Variants in FAM193A observed in about 807,000 individuals in gnomAD.
FAM193A encodes family with sequence similarity 193 member A, also known as protein FAM193A.
A neutral mutation model predicts 126.5 loss-of-function variants in FAM193A; 22 were observed. The ratio of observed to expected loss-of-function variants is 0.17; its 90% CI spans 0.12 to 0.25. The LOEUF is 0.25. Ranked by LOEUF, FAM193A falls within the 10% of genes least tolerant of loss-of-function variation. The probability of loss-of-function intolerance (pLI) is 1.00; values close to 1 mark genes in which losing one functional copy is unlikely to be tolerated. For missense variants in FAM193A, 1,675 were observed against 1,672.8 expected (o/e 1.00, Z -0.02); for synonymous variants, 761 against 646.8 (o/e 1.18, Z -2.68).
chr4:2,608,750 A>G (rs1233474259), intron 2 of FAM193A, among the ~76,000 whole-genome samples: 1 of 152,182 alleles, frequency 6.6e-6, no homozygotes, highest in Admixed American at 6.5e-5. Flanking sequence ...ACATTTTTGC[A>G]TAGACCTGCA....
At chr4:2,547,604 C>CTGTGTGTGTGTGTGTGTCTGTGTGTG (rs1553884201) in intron 1 of FAM193A, among the ~76,000 whole-genome samples, 1 of 144,870 alleles carries the variant, frequency 6.9e-6, no homozygotes, top group African/African-American at 2.6e-5. Flanking sequence ...GTGTGTGTGT[C>CTGTGTGTGTGTGTGTGTCTGTGTGTG]TGTGTGTGTG....
chr4:2,631,700 A>T (rs917252916), intron 5 of FAM193A, among the ~76,000 whole-genome samples: 2 of 152,222 alleles, frequency 1.3e-5, no homozygotes, highest in African/African-American at 4.8e-5. Flanking sequence ...GACAGGCCCT[A>T]TCACCATCCT....
chr4:2,680,611 A>G (rs1213370721), intron 13 of FAM193A, among the ~76,000 whole-genome samples: 1 of 152,130 alleles, frequency 6.6e-6, no homozygotes, highest in Non-Finnish European at 1.5e-5. Flanking sequence ...TGCTGGGATT[A>G]TAGGCATGAG....
At chr4:2,721,140 C>T (rs562238311) in intron 20 of FAM193A, among the ~76,000 whole-genome samples, 6 of 151,804 alleles carry the variant, frequency 4.0e-5, no homozygotes, top group South Asian at 2.1e-4. Context: ...GGTGAAACCC[C>T]GTCTCTACTA....
rs188444127 is a variant in FAM193A at position 2,641,386 on chromosome 4, C to T, written c.1163+1527C>T. 4.4e-3 allele frequency among the ~76,000 whole-genome samples: 664 copies of T among 151,970 alleles called. 2 individuals are homozygous for T. Among genetic ancestry groups the T allele is most frequent in the Non-Finnish European group, 7.8e-3 (527 of 67,974 alleles). The stretch of plus-strand genomic sequence containing the variant: ...TAAAATCCGTATATTAGGACTGGTA[C>T]GGTGGCTCACACCTGTAATCCCAGC... On this transcript the variant is annotated intron_variant, in intron 6 of 20. Transcript: ENST00000637812.
chr4:2,545,647 A>C (rs1415736003), intron 1 of FAM193A, among the ~76,000 whole-genome samples: 2 of 152,100 alleles, frequency 1.3e-5, no homozygotes, highest in South Asian at 2.1e-4. Flanking sequence ...GTTATATGCT[A>C]ATTTTTAGAA....
intron 1 of FAM193A, among the ~76,000 whole-genome samples, chr4:2,558,568 G>A (rs149822737): frequency 3.1e-4 from 47 of 152,266 alleles, no homozygotes; most frequent in Middle Eastern, 3.4e-3. Flanking sequence ...TTCTGGGGGG[G>A]ATGAGATCTT....
intron 16 of FAM193A, 41 bp downstream of exon 16, chr4:2,693,915 A>G: frequency 6.3e-7 from 1 of 1,584,684 alleles, no homozygotes; most frequent in East Asian, 2.2e-5. Flanking sequence ...GCACTTTGGA[A>G]AATGGGTGTT....
intron 1 of FAM193A, among the ~76,000 whole-genome samples, chr4:2,583,135 G>A (rs116296152): frequency 0.045 from 6,781 of 152,270 alleles, 275 homozygotes; most frequent in Non-Finnish European, 0.063. Flanking sequence ...GCCAATTATT[G>A]TATTTTCAGT....
intron 2 of FAM193A, among the ~76,000 whole-genome samples, chr4:2,623,225 C>T (rs1032084028): frequency 7.9e-5 from 12 of 151,506 alleles, no homozygotes; most frequent in African/African-American, 2.4e-4. Flanking sequence ...GGCTGGAGTG[C>T]GGTGGCGCGA....
intron 1 of FAM193A, among the ~76,000 whole-genome samples, chr4:2,565,131 T>C (rs879001753): frequency 6.6e-6 from 1 of 151,894 alleles, no homozygotes; most frequent in South Asian, 2.1e-4. Flanking sequence ...GTTAGCCTGT[T>C]TTTTTTTGAT....
intron 1 of FAM193A, among the ~76,000 whole-genome samples, chr4:2,579,558 A>G (rs1214629913): frequency 1.3e-5 from 2 of 152,056 alleles, no homozygotes; most frequent in Non-Finnish European, 2.9e-5. Context: ...TATTAGCCAG[A>G]CATAATGGCA....
chr4:2,721,438 T>C (rs1720144271), intron 20 of FAM193A, among the ~76,000 whole-genome samples: 4 of 151,862 alleles, frequency 2.6e-5, no homozygotes, highest in Admixed American at 1.3e-4. Context: ...CAGTGAGCTA[T>C]GCTTACGCCA....
chr4:2,657,751 C>T (rs761541455), intron 7 of FAM193A, 52 bp from the exon 8 acceptor site: 9 of 1,145,016 alleles, frequency 7.9e-6, no homozygotes, highest in East Asian at 2.4e-5. Context: ...GTATAATTGT[C>T]GCAGGTATTA....
intron 19 of FAM193A, among the ~76,000 whole-genome samples, chr4:2,704,589 T>A (rs1479709330): frequency 6.6e-6 from 1 of 152,132 alleles, no homozygotes. Flanking sequence ...TAAAAATTTT[T>A]AAAAAGGTAA....
At chr4:2,708,233 G>GT in intron 19 of FAM193A, 1 of 430,934 alleles carries the variant, frequency 2.3e-6, no homozygotes, top group Non-Finnish European at 4.7e-6. Flanking sequence ...TCAAGCGATT[G>GT]TGCTGCCTCA....
At position 2,732,363 on chromosome 4, in the gene FAM193A, C is replaced by T. The variant is rs187031554; in HGVS notation, c.*495C>T. The T allele has an allele frequency of 6.5e-4, 112 of 171,846 alleles. No individual in the cohort carries two copies. The highest frequency in any genetic ancestry group is 5.4e-3 in the Middle Eastern group (2 of 368). The allele number at this position is 171,846 out of a possible 1,614,324, so 10.6% of individuals were successfully genotyped here. On this transcript the variant is annotated 3_prime_UTR_variant, in exon 21 of 21. Transcript: ENST00000637812. ...ACACGTTGCGCTGTTTGTGTTTGAT[C>T]CCCCTGACTTGTAGCCAGCTTGTGT...
rs910307736 is a variant in FAM193A, at chr4:2,681,410, A to C, written c.2332-8096A>C. ...TTGGGTTTAGATTGTTCTTTTTCTA[A>C]TTCATTAAGATGTGAAGTTAGGGAG... On this transcript the variant is annotated intron_variant, in intron 13 of 20. Transcript: ENST00000637812. 7.3e-5 allele frequency among the ~76,000 whole-genome samples: 11 copies of C among 151,634 alleles called. No individual in the cohort carries two copies. The South Asian group carries it at 2.1e-3, about 29-fold the overall frequency.
rs75151623 is a variant in FAM193A, at chr4:2,596,260, G to A, written c.432G>A (p.Leu144=). ...PKGNSVLHLP[L]WVCPDCRRTV... ...GCAACAGCGTGCTGCACCTGCCACT[G>A]TGGGTGTGCCCGGACTGCCGCAGGA... is the stretch of plus-strand genomic sequence containing the variant. Residue 144 remains leucine, a synonymous_variant, in exon 2 of 21, where the codon CTG becomes CTA. Coordinates refer to ENST00000637812, the MANE Select transcript of FAM193A (RefSeq NM_001366318.2). The A allele has an allele frequency of 0.011, 7,749 of 703,048 alleles. 399 individuals are homozygous for A. In the African/African-American group the frequency reaches 0.11, roughly 10 times the overall value. 43.6% of individuals were successfully genotyped at this position (703,048 alleles called of 1,614,324 possible).
Sources: gnomAD v4.1 joint callset for allele counts (sites outside exome capture counted in the v4.1 genomes callset) on GRCh38, gnomAD v4.1.1 for gene constraint, MANE v1.5 for transcripts, NCBI Gene and HGNC (gene_info 2026-07-23, HGNC 2026-07-21) for gene names.